The following ARHGAP15 variants were observed in gnomAD, a reference collection of about 807,000 sequenced individuals.
ARHGAP15 encodes the protein rho GTPase-activating protein 15.
In ARHGAP15, 51 loss-of-function variants were observed where a neutral mutation model predicts 63.7. That is an observed-to-expected ratio of 0.80 (90% CI 0.64 to 1.01). The LOEUF is 1.01. ARHGAP15 is among the 50% of genes least tolerant of loss of function. The pLI, the probability that ARHGAP15 is intolerant of heterozygous loss-of-function variation, is 0.00. For synonymous variants in ARHGAP15, 191 were observed against 193.8 expected (o/e 0.99, Z 0.12); for missense variants, 560 against 564.6 (o/e 0.99, Z 0.08).
At chr2:143,235,236 A>T (rs1291460344) in intron 5 of ARHGAP15, among the ~76,000 whole-genome samples, 1 of 149,020 alleles carries the variant, frequency 6.7e-6, no homozygotes, top group Non-Finnish European at 1.5e-5. Flanking sequence ...GAAACATAGT[A>T]GAGTTGTTTT....
intron 1 of ARHGAP15, among the ~76,000 whole-genome samples, chr2:143,133,832 T>A (rs552000533): frequency 1.6e-4 from 25 of 152,284 alleles, no homozygotes; most frequent in African/African-American, 6.0e-4. Flanking sequence ...CTTCACAGTT[T>A]ATGTAAAAAC....
At chr2:143,284,065 C>T (rs1306005919) in intron 6 of ARHGAP15, among the ~76,000 whole-genome samples, 1 of 152,092 alleles carries the variant, frequency 6.6e-6, no homozygotes, top group African/African-American at 2.4e-5. Context: ...CCCTCGATCG[C>T]CTCCCACTCC....
intron 12 of ARHGAP15, among the ~76,000 whole-genome samples, chr2:143,643,105 A>G (rs1473834998): frequency 1.3e-5 from 2 of 152,140 alleles, no homozygotes; most frequent in Admixed American, 1.3e-4. Context: ...TGCTGCAGGC[A>G]GGGAAACTCC....
chr2:143,272,209 T>C (rs1318367258), intron 6 of ARHGAP15, among the ~76,000 whole-genome samples: 1 of 152,206 alleles, frequency 6.6e-6, no homozygotes, highest in African/African-American at 2.4e-5. Context: ...AGGCTGATGA[T>C]TGTGAGGCTT....
chr2:143,700,163 C>A (rs1255054935), intron 12 of ARHGAP15, among the ~76,000 whole-genome samples: 1 of 152,132 alleles, frequency 6.6e-6, no homozygotes, highest in African/African-American at 2.4e-5. Context: ...GTAGAATATT[C>A]TAAATGCAAC....
intron 6 of ARHGAP15, among the ~76,000 whole-genome samples, chr2:143,429,473 G>C: frequency 6.6e-6 from 1 of 152,070 alleles, no homozygotes; most frequent in Non-Finnish European, 1.5e-5. Context: ...GAATGTACTG[G>C]AGGTCTGTCA....
chr2:143,381,371 C>G (rs1204153154), intron 6 of ARHGAP15, among the ~76,000 whole-genome samples: 1 of 152,066 alleles, frequency 6.6e-6, no homozygotes, highest in Non-Finnish European at 1.5e-5. Context: ...ATTAAATTGT[C>G]TTAATCCTGA....
At chr2:143,279,968 T>A (rs573595080) in intron 6 of ARHGAP15, among the ~76,000 whole-genome samples, 1 of 152,096 alleles carries the variant, frequency 6.6e-6, no homozygotes, top group South Asian at 2.1e-4. Flanking sequence ...TTGGGAGAGC[T>A]TGGGAAGTGG....
chr2:143,501,267 G>A (rs1485327145), intron 9 of ARHGAP15, among the ~76,000 whole-genome samples: 4 of 152,154 alleles, frequency 2.6e-5, no homozygotes, highest in African/African-American at 9.7e-5. Flanking sequence ...AGTGAAATAC[G>A]ATGTTTACAT....
intron 1 of ARHGAP15, among the ~76,000 whole-genome samples, chr2:143,145,469 T>C (rs1422729720): frequency 6.6e-6 from 1 of 152,036 alleles, no homozygotes; most frequent in African/African-American, 2.4e-5. Flanking sequence ...TTGTGGATAA[T>C]TGAGCTAGAC....
At chr2:143,497,193 A>G (rs568575688) in intron 9 of ARHGAP15, among the ~76,000 whole-genome samples, 1 of 152,208 alleles carries the variant, frequency 6.6e-6, no homozygotes, top group Non-Finnish European at 1.5e-5. Flanking sequence ...ATTGTAAAAC[A>G]GATACAAAAC....
intron 6 of ARHGAP15, chr2:143,435,396 T>G: frequency 8.4e-7 from 1 of 1,184,352 alleles, no homozygotes. Context: ...ATTAAAACAA[T>G]AATGTATTTG....
chr2:143,296,015 A>AC (rs1438353427), intron 6 of ARHGAP15, among the ~76,000 whole-genome samples: 3 of 152,130 alleles, frequency 2.0e-5, no homozygotes, highest in Non-Finnish European at 4.4e-5. Context: ...AGAGAACCTA[A>AC]CCAAGACCTC....
At chr2:143,272,098 T>C (rs1681315493) in intron 6 of ARHGAP15, among the ~76,000 whole-genome samples, 1 of 152,180 alleles carries the variant, frequency 6.6e-6, no homozygotes, top group South Asian at 2.1e-4. Flanking sequence ...CCTCTTCTCA[T>C]GCTGCTTCCT....
intron 11 of ARHGAP15, among the ~76,000 whole-genome samples, chr2:143,615,943 TA>T (rs1698436495): frequency 6.6e-6 from 1 of 152,068 alleles, no homozygotes; most frequent in African/African-American, 2.4e-5. Context: ...TGAATGGAAA[TA>T]AGAACAGAGT....
chr2:143,550,839 T>TA (rs1695527993), intron 10 of ARHGAP15, among the ~76,000 whole-genome samples: 1 of 152,058 alleles, frequency 6.6e-6, no homozygotes, highest in South Asian at 2.1e-4. Context: ...AAAATAGTTA[T>TA]AAAAAACAAA....
At chr2:143,131,503 C>T (rs1688914651) in intron 1 of ARHGAP15, among the ~76,000 whole-genome samples, 1 of 152,262 alleles carries the variant, frequency 6.6e-6, no homozygotes, top group South Asian at 2.1e-4. Flanking sequence ...CCTCCTGTTG[C>T]TCCTTTTTAT....
chr2:143,244,519 G>A (rs1409368498), intron 5 of ARHGAP15, among the ~76,000 whole-genome samples: 1 of 152,216 alleles, frequency 6.6e-6, no homozygotes, highest in Non-Finnish European at 1.5e-5. Flanking sequence ...AAGAATGAAT[G>A]CATACTCAAA....
intron 13 of ARHGAP15, among the ~76,000 whole-genome samples, chr2:143,758,458 T>C (rs1329258251): frequency 6.6e-6 from 1 of 151,944 alleles, no homozygotes; most frequent in Non-Finnish European, 1.5e-5. Flanking sequence ...CAAAAGACCA[T>C]GTATTAGTTT....
Sources: gnomAD v4.1 joint callset for allele counts (sites outside exome capture counted in the v4.1 genomes callset) on GRCh38, gnomAD v4.1.1 for gene constraint, MANE v1.5 for transcripts, NCBI Gene and HGNC (gene_info 2026-07-23, HGNC 2026-07-21) for gene names.